ROBO2: variants seen among roughly 807,000 people sequenced by gnomAD.
The protein encoded by ROBO2 is roundabout homolog 2.
Under a neutral mutation model 160.8 loss-of-function variants are expected in ROBO2, and 53 were observed. That is an observed-to-expected ratio of 0.33 (90% confidence interval 0.26 to 0.41). The LOEUF (loss-of-function observed/expected upper bound fraction) is 0.41, where lower values mean the gene tolerates loss of function less well. ROBO2 is among the 10% of genes least tolerant of loss of function. ROBO2 has a pLI of 1.00. For missense variants in ROBO2, 1,577 were observed against 1,722.4 expected (o/e 0.92, Z 1.49); for synonymous variants, 664 against 611.7 (o/e 1.09, Z -1.26).
intron 2 of ROBO2, among the ~76,000 whole-genome samples, chr3:76,185,580 CAGAG>C (rs975656681): frequency 6.6e-6 from 1 of 151,660 alleles, no homozygotes; most frequent in African/African-American, 2.4e-5. Context: ...CCCAAATAGA[CAGAG>C]AGAGCATTAA....
rs535207437 is a variant in ROBO2, at chr3:77,181,329, A to AT, written c.388+82990dup. On this transcript the variant is annotated intron_variant, in intron 2 of 25. Coordinates refer to ENST00000461745, the Ensembl canonical transcript of ROBO2. ...CTGTACCAGGGATGAGAGGCCACCC[A>AT]TGCTTCCAGGGGAAGCTCATTGAGG... 2.3e-4 allele frequency among the ~76,000 whole-genome samples: 35 copies of AT among 152,076 alleles called. 1 individual carries two copies. In the East Asian group the frequency reaches 6.8e-3, roughly 30 times the overall value.
At chr3:76,145,305 A>G (rs1397567887) in intron 2 of ROBO2, among the ~76,000 whole-genome samples, 2 of 152,096 alleles carry the variant, frequency 1.3e-5, no homozygotes, top group East Asian at 3.9e-4. Flanking sequence ...ATTTAGAAAT[A>G]AAGGCATAAA....
intron 2 of ROBO2, among the ~76,000 whole-genome samples, chr3:77,132,535 A>C (rs1451352599): frequency 6.6e-6 from 1 of 152,132 alleles, no homozygotes; most frequent in African/African-American, 2.4e-5. Context: ...TGATGAAAAA[A>C]AGTCATTCTT....
At chr3:76,178,813 T>A (rs1365401018) in intron 2 of ROBO2, among the ~76,000 whole-genome samples, 1 of 152,022 alleles carries the variant, frequency 6.6e-6, no homozygotes, top group African/African-American at 2.4e-5. Flanking sequence ...TGGTGGTGCA[T>A]GCCTGTAATC....
chr3:76,713,936 A>C (rs1392961490), intron 2 of ROBO2, among the ~76,000 whole-genome samples: 1 of 150,158 alleles, frequency 6.7e-6, no homozygotes, highest in Non-Finnish European at 1.5e-5. Context: ...CTTAAGTAGT[A>C]AGTTTAGAAC....
intron 2 of ROBO2, among the ~76,000 whole-genome samples, chr3:75,944,838 G>A (rs1346266645): frequency 6.6e-6 from 1 of 152,098 alleles, no homozygotes; most frequent in Non-Finnish European, 1.5e-5. Flanking sequence ...AACTTCTGAT[G>A]TTTGTTTGTA....
intron 2 of ROBO2, among the ~76,000 whole-genome samples, chr3:76,165,265 T>C (rs1464103469): frequency 6.6e-6 from 1 of 152,192 alleles, no homozygotes; most frequent in Non-Finnish European, 1.5e-5. Context: ...ACATCAGCAC[T>C]TGCTGCTTCA....
intron 2 of ROBO2, among the ~76,000 whole-genome samples, chr3:76,831,667 T>C (rs2067107615): frequency 6.6e-6 from 1 of 152,236 alleles, no homozygotes; most frequent in Non-Finnish European, 1.5e-5. Context: ...TATCTTTTAA[T>C]GTCTTCTCAT....
At chr3:77,006,633 G>T (rs2061596025) in intron 2 of ROBO2, among the ~76,000 whole-genome samples, 1 of 151,920 alleles carries the variant, frequency 6.6e-6, no homozygotes, top group South Asian at 2.1e-4. Context: ...AAATGATAAA[G>T]CACGCTTGAA....
At chr3:77,588,781 A>G (rs548687315) in exon 17 of ROBO2, 2 of 1,613,476 alleles carry the variant, frequency 1.2e-6, no homozygotes, top group African/African-American at 2.7e-5. Context: ...ATTACTGAAA[A>G]CAATAACAGC....
At chr3:76,645,879 CAA>C (rs2090942235) in intron 2 of ROBO2, among the ~76,000 whole-genome samples, 1 of 152,068 alleles carries the variant, frequency 6.6e-6, no homozygotes, top group Non-Finnish European at 1.5e-5. Context: ...CATTTATTCA[CAA>C]GTCATGTATT....
chr3:77,550,764 A>C lies in ROBO2; in HGVS notation c.1060-54A>C, dbSNP rs978081533. ...CTTAATTGTAGTAGCTTTTATTCAC[A>C]TAATTTTTTTAAGTGGAAAATGAAT... is the stretch of plus-strand genomic sequence containing the variant. On this transcript the variant is annotated intron_variant, in intron 7 of 25. Transcript: ENST00000461745. 5.1e-6 allele frequency: 8 copies of C among 1,579,340 alleles called. No homozygotes were observed. The East Asian group carries it at 9.0e-5, about 18-fold the overall frequency.
chr3:76,401,806 G>T (rs1448912009), intron 2 of ROBO2, among the ~76,000 whole-genome samples: 1 of 151,308 alleles, frequency 6.6e-6, no homozygotes, highest in African/African-American at 2.4e-5. Flanking sequence ...AGAATAATTT[G>T]TCATGTCCTA....
chr3:76,047,938 A>G (rs55661213), intron 2 of ROBO2, among the ~76,000 whole-genome samples: 2,993 of 152,308 alleles, frequency 0.02, 36 homozygotes, highest in East Asian at 0.08. Flanking sequence ...TATATTCTTA[A>G]TGAATATGGT....
At chr3:77,052,207 G>A (rs1189361523) in intron 1 of ROBO2, among the ~76,000 whole-genome samples, 5 of 152,160 alleles carry the variant, frequency 3.3e-5, no homozygotes, top group African/African-American at 4.8e-5. Context: ...CATGAATCAT[G>A]ACTTGTCTCC....
At chr3:76,961,437 C>T (rs145622707) in intron 2 of ROBO2, among the ~76,000 whole-genome samples, 35 of 152,092 alleles carry the variant, frequency 2.3e-4, no homozygotes, top group African/African-American at 8.2e-4. Flanking sequence ...ATATCACTAT[C>T]TAAGCCTGTC....
chr3:76,294,640 A>G (rs1266844252), intron 2 of ROBO2, among the ~76,000 whole-genome samples: 1 of 152,236 alleles, frequency 6.6e-6, no homozygotes, highest in Non-Finnish European at 1.5e-5. Context: ...CATATTGCAC[A>G]GCAATAGTAG....
At chr3:77,037,536 A>G (rs536994496), upstream of ROBO2, among the ~76,000 whole-genome samples, 2 of 152,170 alleles carry the variant, frequency 1.3e-5, no homozygotes, top group South Asian at 4.1e-4. Flanking sequence ...TCTCTGTATG[A>G]TGTAATTTGT....
At chr3:77,036,121 T>A (rs1223181681), upstream of ROBO2, among the ~76,000 whole-genome samples, 4 of 151,928 alleles carry the variant, frequency 2.6e-5, no homozygotes. Context: ...TGTATTCAGG[T>A]CTGGATTTAA....
Sources: allele counts gnomAD v4.1 joint callset (sites outside exome capture counted in the v4.1 genomes callset), GRCh38; gene constraint gnomAD v4.1.1; transcripts MANE v1.5; gene names NCBI Gene and HGNC (gene_info 2026-07-23, HGNC 2026-07-21).